The following L3HYPDH variants were observed in gnomAD, a reference collection of about 807,000 sequenced individuals.
L3HYPDH encodes trans-L-3-hydroxyproline dehydratase.
A neutral mutation model predicts 26.5 loss-of-function variants in L3HYPDH; 32 were observed. The ratio of observed to expected loss-of-function variants is 1.21; its 90% CI spans 0.91 to 1.62. L3HYPDH has a LOEUF of 1.62. Ranked by LOEUF, L3HYPDH falls within the 40% of genes most tolerant of loss-of-function variation. L3HYPDH has a pLI of 0.00. For synonymous variants in L3HYPDH, 215 were observed against 196.6 expected (o/e 1.09, Z -0.78); for missense variants, 554 against 476.4 (o/e 1.16, Z -1.52).
Position 59,484,396 on chromosome 14 carries a change from A to T in L3HYPDH, c.-80T>A. ...CCTCACCCACTGACTCCGCGGGAGG[A>T]GGGCGGGACGCTAACCAGCCACGTC... is the stretch of plus-strand genomic sequence containing the variant. On this transcript the variant is annotated 5_prime_UTR_variant, in exon 1 of 5. Transcript: ENST00000247194. The T allele has an allele frequency of 6.9e-7, 1 of 1,453,272 alleles. No homozygotes were observed. Among genetic ancestry groups the T allele is most frequent in the Non-Finnish European group, 9.3e-7 (1 of 1,075,038 alleles). 90.0% of individuals were successfully genotyped at this position (1,453,272 alleles called of 1,614,324 possible).
chr14:59,486,392 T>C (rs572572218), upstream of L3HYPDH, among the ~76,000 whole-genome samples: 1 of 152,346 alleles, frequency 6.6e-6, no homozygotes, highest in Admixed American at 6.5e-5. Context: ...TATGTATATT[T>C]GAACTTTATA....
upstream of L3HYPDH, among the ~76,000 whole-genome samples, chr14:59,488,692 G>T (rs1457532154): frequency 6.6e-6 from 1 of 152,172 alleles, no homozygotes; most frequent in African/African-American, 2.4e-5. Context: ...GTCAAATTCT[G>T]CCTTACTGAT....
the L3HYPDH span, among the ~76,000 whole-genome samples, chr14:59,502,773 TCG>T: frequency 1.9e-5 from 2 of 102,848 alleles, no homozygotes; most frequent in Non-Finnish European, 3.7e-5. Flanking sequence ...TTTTTTTTTT[TCG>T]GAGTCTCACT....
At chr14:59,483,616 G>A (rs934438575) in intron 1 of L3HYPDH, 193 bp downstream of exon 1, 6 of 1,434,944 alleles carry the variant, frequency 4.2e-6, no homozygotes, top group South Asian at 1.5e-5. Context: ...ATGGGAGTCA[G>A]GGAAAATCGA....
the L3HYPDH span, among the ~76,000 whole-genome samples, chr14:59,502,755 T>TGTTTTGTTTTTTTGTTTTG: frequency 8.1e-6 from 1 of 122,918 alleles, no homozygotes; most frequent in Non-Finnish European, 1.6e-5. Context: ...ATGAGATTTT[T>TGTTTTGTTTTTTTGTTTTG]TTTTTTTTTT....
At chr14:59,484,762 G>A (rs1890391039), upstream of L3HYPDH, 4 of 990,628 alleles carry the variant, frequency 4.0e-6, no homozygotes, top group African/African-American at 3.3e-5. Flanking sequence ...CGGGGTTGGG[G>A]TGGTCTGTCC....
the L3HYPDH span, among the ~76,000 whole-genome samples, chr14:59,490,418 G>A: frequency 4.6e-5 from 7 of 152,154 alleles, no homozygotes; most frequent in Admixed American, 3.3e-4. Flanking sequence ...AAATCACTCC[G>A]TATTTGAGTG....
At chr14:59,486,736 C>T, upstream of L3HYPDH, 1 of 1,593,290 alleles carries the variant, frequency 6.3e-7, no homozygotes, top group Non-Finnish European at 8.6e-7. Context: ...ACCAGCATGC[C>T]TTGGACTTTA....
chr14:59,469,006 A>T (rs943926172), downstream of L3HYPDH, among the ~76,000 whole-genome samples: 1 of 152,216 alleles, frequency 6.6e-6, no homozygotes, highest in African/African-American at 2.4e-5. Context: ...TTCCATTTAC[A>T]AAAGGACAGT....
At chr14:59,484,511 C>A, upstream of L3HYPDH, 1 of 1,530,230 alleles carries the variant, frequency 6.5e-7, no homozygotes. Context: ...AGCCGCCGAG[C>A]TCGCTGTGGC....
At chr14:59,489,891 A>AT in the L3HYPDH span, among the ~76,000 whole-genome samples, 1 of 137,780 alleles carries the variant, frequency 7.3e-6, no homozygotes, top group East Asian at 2.0e-4. Flanking sequence ...TCTTTCTTTC[A>AT]TTTTTTTTAA....
chr14:59,480,902 G>A (rs1024001556), intron 1 of L3HYPDH, among the ~76,000 whole-genome samples: 2 of 152,232 alleles, frequency 1.3e-5, no homozygotes, highest in Non-Finnish European at 2.9e-5. Flanking sequence ...GCTAAAGTGA[G>A]GGTGAAGATC....
At chr14:59,479,852 T>G (rs1413238511) in intron 1 of L3HYPDH, among the ~76,000 whole-genome samples, 1 of 152,222 alleles carries the variant, frequency 6.6e-6, no homozygotes, top group Non-Finnish European at 1.5e-5. Context: ...TATCTACATG[T>G]TTTCATCTCC....
At chr14:59,467,008 T>G (rs1359040538) in intron 1 of L3HYPDH, among the ~76,000 whole-genome samples, 3 of 152,200 alleles carry the variant, frequency 2.0e-5, no homozygotes, top group Non-Finnish European at 4.4e-5. Flanking sequence ...TATCATACAT[T>G]AATTTATTTG....
At chr14:59,467,707 T>C (rs886131336), downstream of L3HYPDH, among the ~76,000 whole-genome samples, 9 of 152,182 alleles carry the variant, frequency 5.9e-5, no homozygotes, top group African/African-American at 2.2e-4. Context: ...GGCATCTCTC[T>C]CCTTGATGTG....
At chr14:59,495,319 G>A in the L3HYPDH span, 2 of 918,482 alleles carry the variant, frequency 2.2e-6, no homozygotes, top group Non-Finnish European at 1.7e-6. Context: ...AACAGGTGTG[G>A]GTTTGAGTTC....
rs377046141 is a variant in L3HYPDH, at chr14:59,466,355, T to G, written n.31-5182A>C. Among the ~76,000 whole-genome samples, 5 of 152,354 alleles carry G rather than the reference T, an allele frequency of 3.3e-5. No homozygotes were observed. The East Asian group carries it at 7.7e-4, about 23-fold the overall frequency. ...AAGTTGCATCTCAAGTTTCTGGGCA[T>G]GGCCTCTAATGGGGAAAAGTGTGAT... On this transcript the variant is annotated intron_variant and non_coding_transcript_variant, in intron 1 of 2. Transcript: ENST00000466522.
chr14:59,481,867 T>C (rs1001311972), intron 1 of L3HYPDH, among the ~76,000 whole-genome samples: 3 of 152,228 alleles, frequency 2.0e-5, no homozygotes, highest in Non-Finnish European at 4.4e-5. Context: ...CTGTAACTGC[T>C]ATTTCTCCTA....
the L3HYPDH span, among the ~76,000 whole-genome samples, chr14:59,493,889 AGACAAT>A: frequency 6.6e-6 from 1 of 152,238 alleles, no homozygotes; most frequent in Non-Finnish European, 1.5e-5. Flanking sequence ...CCCAAAACAC[AGACAAT>A]TATATATGAA....
Sources: gnomAD v4.1 joint callset for allele counts (sites outside exome capture counted in the v4.1 genomes callset) on GRCh38, gnomAD v4.1.1 for gene constraint, MANE v1.5 for transcripts, NCBI Gene and HGNC (gene_info 2026-07-23, HGNC 2026-07-21) for gene names.